Variants in PCDH15 observed in about 807,000 individuals in gnomAD.
PCDH15 encodes the protein protocadherin-15.
In PCDH15, 129 loss-of-function variants were observed where a neutral mutation model predicts 178.5. The ratio of observed to expected loss-of-function variants is 0.72; its 90% CI spans 0.63 to 0.84. The LOEUF (loss-of-function observed/expected upper bound fraction) is 0.84. PCDH15 is among the 40% of genes least tolerant of loss of function. The pLI is 0.00. For synonymous variants in PCDH15, 800 were observed against 732.0 expected (o/e 1.09, Z -1.50); for missense variants, 2,230 against 2,099.9 (o/e 1.06, Z -1.21).
chr10:53,899,581 A>G (rs2082189026), intron 26 of PCDH15, among the ~76,000 whole-genome samples: 1 of 152,106 alleles, frequency 6.6e-6, no homozygotes, highest in African/African-American at 2.4e-5. Context: ...TATATCATGG[A>G]CCAAAAAAAA....
At chr10:55,432,313 T>C (rs1838901489) in intron 2 of PCDH15, among the ~76,000 whole-genome samples, 1 of 152,222 alleles carries the variant, frequency 6.6e-6, no homozygotes, top group African/African-American at 2.4e-5. Flanking sequence ...AAGTCATAGA[T>C]AAATTGGGGT....
At position 54,372,270 on chromosome 10, in the gene PCDH15, G is replaced by T. The variant is rs1402680061; in HGVS notation, c.319-2995C>A. 3.3e-5 allele frequency among the ~76,000 whole-genome samples: 5 copies of T among 151,696 alleles called. No homozygotes were observed. In the East Asian group the frequency reaches 9.7e-4, roughly 29 times the overall value. The stretch of plus-strand genomic sequence containing the variant: ...GGAGTGGTACCACTGGGACCAAAAG[G>T]TCAAAATCTTATCAAATAGAGGATC... On this transcript the variant is annotated intron_variant, in intron 4 of 37. Coordinates refer to ENST00000644397, the MANE Select transcript of PCDH15 (RefSeq NM_001384140.1).
intron 26 of PCDH15, among the ~76,000 whole-genome samples, chr10:53,868,933 G>A (rs771018323): frequency 6.6e-6 from 1 of 152,072 alleles, no homozygotes; most frequent in Non-Finnish European, 1.5e-5. Context: ...AGCCTCACAT[G>A]TCAGCCTCTG....
chr10:54,143,749 A>G (rs1326714601), intron 14 of PCDH15, among the ~76,000 whole-genome samples: 1 of 152,276 alleles, frequency 6.6e-6, no homozygotes, highest in East Asian at 1.9e-4. Context: ...CTTTAAGTAT[A>G]TTAAGTAGAG....
At position 54,163,531 on chromosome 10, in the gene PCDH15, A is replaced by T. The variant is rs149555981; in HGVS notation, c.1591-10238T>A. 3.0e-3 allele frequency among the ~76,000 whole-genome samples: 463 copies of T among 152,222 alleles called. 1 individual carries two copies. Among genetic ancestry groups the T allele is most frequent in the South Asian group, 9.7e-3 (47 of 4,826 alleles). On this transcript the variant is annotated intron_variant, in intron 13 of 37. Coordinates refer to ENST00000644397, the MANE Select transcript of PCDH15 (RefSeq NM_001384140.1). The stretch of plus-strand genomic sequence containing the variant: ...TGCCTCCATAATCCAATTACCTTCC[A>T]CTAGGCCCCTACTCCAATACTAAGG...
intron 2 of PCDH15, among the ~76,000 whole-genome samples, chr10:54,906,403 G>A (rs1256288552): frequency 6.6e-6 from 1 of 151,858 alleles, no homozygotes; most frequent in Non-Finnish European, 1.5e-5. Context: ...ATCCAGAACT[G>A]TTAATAATTT....
At chr10:53,868,470 G>C (rs1430812745) in intron 26 of PCDH15, among the ~76,000 whole-genome samples, 1 of 152,066 alleles carries the variant, frequency 6.6e-6, no homozygotes, top group Admixed American at 6.5e-5. Context: ...TGATAGAAAT[G>C]TTCTTAACCA....
chr10:55,277,244 A>C (rs1842617930), intron 1 of PCDH15, among the ~76,000 whole-genome samples: 1 of 152,042 alleles, frequency 6.6e-6, no homozygotes, highest in Non-Finnish European at 1.5e-5. Flanking sequence ...GAGACACCAA[A>C]ACAGAAATCT....
chr10:54,181,063 G>A (rs547413246), intron 13 of PCDH15, among the ~76,000 whole-genome samples: 25 of 152,218 alleles, frequency 1.6e-4, no homozygotes, highest in African/African-American at 2.6e-4. Flanking sequence ...GTTCCCTGCT[G>A]GCTGTTTTTC....
At chr10:55,014,650 GTCTT>G (rs996236914) in intron 2 of PCDH15, among the ~76,000 whole-genome samples, 4 of 152,024 alleles carry the variant, frequency 2.6e-5, no homozygotes, top group African/African-American at 9.7e-5. Context: ...GTATAGTCTT[GTCTT>G]TCTAATTCAT....
chr10:53,945,243 T>C (rs2086437657), intron 23 of PCDH15, among the ~76,000 whole-genome samples: 1 of 152,212 alleles, frequency 6.6e-6, no homozygotes, highest in South Asian at 2.1e-4. Flanking sequence ...ATATTTATAC[T>C]TCCTCCCAGA....
Position 54,954,282 on chromosome 10 carries a change from A to T in PCDH15, c.-79-56782T>A, listed in dbSNP as rs1838420935. Among the ~76,000 whole-genome samples, 3 of 151,414 alleles carry T rather than the reference A, an allele frequency of 2.0e-5. No individual in the cohort carries two copies. The South Asian group carries it at 6.2e-4, about 31-fold the overall frequency. On this transcript the variant is annotated intron_variant, in intron 2 of 5. Transcript: ENST00000458638. ...TCTATTAAATTGCGCATAGAGTCTC[A>T]TCTATCAGGAAAACACATCCTTTCC...
intron 25 of PCDH15, among the ~76,000 whole-genome samples, chr10:53,924,594 G>A (rs920873965): frequency 3.9e-5 from 6 of 152,224 alleles, no homozygotes; most frequent in South Asian, 4.1e-4. Context: ...GGGCAGCTCC[G>A]CCTGCGGCCC....
chr10:54,336,419 G>A (rs895073113), intron 6 of PCDH15, among the ~76,000 whole-genome samples: 42 of 152,238 alleles, frequency 2.8e-4, no homozygotes, highest in African/African-American at 7.9e-4. Context: ...AGAAAAAAGC[G>A]GTTTCATGGG....
At chr10:55,155,014 A>G (rs1325001913) in intron 2 of PCDH15, among the ~76,000 whole-genome samples, 2 of 152,138 alleles carry the variant, frequency 1.3e-5, no homozygotes, top group Admixed American at 6.6e-5. Flanking sequence ...TCTTGCAACC[A>G]TCACAAGGGG....
chr10:54,210,985 A>C (rs1022386266), intron 10 of PCDH15, among the ~76,000 whole-genome samples: 5 of 152,142 alleles, frequency 3.3e-5, no homozygotes, highest in Admixed American at 1.3e-4. Flanking sequence ...AAATTTATCC[A>C]TTTAATTGGC....
chr10:53,958,299 C>T (rs1298063941), intron 23 of PCDH15, among the ~76,000 whole-genome samples: 1 of 152,112 alleles, frequency 6.6e-6, no homozygotes, highest in Non-Finnish European at 1.5e-5. Context: ...TGTAGACTCC[C>T]ACACCCCTTA....
intron 2 of PCDH15, among the ~76,000 whole-genome samples, chr10:54,601,690 G>C (rs2092542283): frequency 6.6e-6 from 1 of 151,902 alleles, no homozygotes; most frequent in Non-Finnish European, 1.5e-5. Context: ...CCATTACTGG[G>C]TATATAGCCA....
At chr10:53,916,795 C>T (rs2133834617) in intron 25 of PCDH15, among the ~76,000 whole-genome samples, 1 of 152,146 alleles carries the variant, frequency 6.6e-6, no homozygotes. Context: ...AGTAATTTTA[C>T]ATAAATAACC....
Sources: gnomAD v4.1 joint callset for allele counts (sites outside exome capture counted in the v4.1 genomes callset) on GRCh38, gnomAD v4.1.1 for gene constraint, MANE v1.5 for transcripts, NCBI Gene and HGNC (gene_info 2026-07-23, HGNC 2026-07-21) for gene names.